The following EPM2A variants were observed in gnomAD, a reference collection of about 807,000 sequenced individuals.
EPM2A encodes the protein laforin.
A neutral mutation model predicts 26.5 loss-of-function variants in EPM2A; 21 were observed. The observed-to-expected ratio is 0.79, with a 90% CI of 0.56 to 1.14. EPM2A has a LOEUF of 1.14. Among genes scored for constraint, EPM2A ranks in the 50% most tolerant of loss-of-function variants. The pLI is 0.00. For missense variants in EPM2A, 458 were observed against 440.8 expected, an observed-to-expected ratio of 1.04 and a Z score of -0.35; for synonymous variants, 217 against 177.6, an observed-to-expected ratio of 1.22 and a Z score of -1.76.
At chr6:145,677,129 A>G (rs943991023) in intron 2 of EPM2A, among the ~76,000 whole-genome samples, 20 of 152,220 alleles carry the variant, frequency 1.3e-4, no homozygotes, top group Admixed American at 5.9e-4. Context: ...CTCATTCAAC[A>G]TATGCAAATC....
intron 4 of EPM2A, among the ~76,000 whole-genome samples, chr6:145,444,176 C>G (rs1304363331): frequency 6.6e-6 from 1 of 152,118 alleles, no homozygotes; most frequent in Non-Finnish European, 1.5e-5. Flanking sequence ...TTGACTTGTT[C>G]TGATTTTCAA....
exon 5 of EPM2A, chr6:145,383,365 G>A (rs1970316): frequency 0.11 from 16,876 of 152,082 alleles, 976 homozygotes; most frequent in South Asian, 0.17. Flanking sequence ...ATTTATAAAG[G>A]AAAAAGTTTT....
intron 2 of EPM2A, among the ~76,000 whole-genome samples, chr6:145,555,088 C>T (rs1780710423): frequency 6.6e-6 from 1 of 152,094 alleles, no homozygotes; most frequent in African/African-American, 2.4e-5. Flanking sequence ...AATTAATGAT[C>T]ACAGGCTCAG....
intron 2 of EPM2A, among the ~76,000 whole-genome samples, chr6:145,601,638 A>G (rs1245146160): frequency 6.6e-6 from 1 of 152,214 alleles, no homozygotes; most frequent in African/African-American, 2.4e-5. Flanking sequence ...GCATAATATC[A>G]GCATGATGGC....
At chr6:145,547,598 T>C (rs545605735) in intron 2 of EPM2A, among the ~76,000 whole-genome samples, 1 of 152,154 alleles carries the variant, frequency 6.6e-6, no homozygotes, top group African/African-American at 2.4e-5. Context: ...GTGTACTGGA[T>C]TGAATAATAT....
intron 2 of EPM2A, among the ~76,000 whole-genome samples, chr6:145,559,579 AT>A (rs1562382177): frequency 6.6e-6 from 1 of 151,784 alleles, no homozygotes; most frequent in African/African-American, 2.4e-5. Context: ...GAAAAGATAA[AT>A]TTTTTTTAAA....
chr6:145,634,948 G>T (rs548555826), intron 3 of EPM2A: 1 of 316,886 alleles, frequency 3.2e-6, no homozygotes, highest in Non-Finnish European at 6.0e-6. Flanking sequence ...AATGCGCTCC[G>T]TGGGGGCAGA....
At chr6:145,397,839 T>C (rs959425193) in intron 4 of EPM2A, among the ~76,000 whole-genome samples, 5 of 152,200 alleles carry the variant, frequency 3.3e-5, no homozygotes, top group African/African-American at 9.6e-5. Context: ...TTAATGTCTG[T>C]ATCTGACACC....
chr6:145,654,441 T>C (rs1183287592), intron 2 of EPM2A, among the ~76,000 whole-genome samples: 4 of 152,164 alleles, frequency 2.6e-5, no homozygotes, highest in African/African-American at 9.7e-5. Flanking sequence ...CAGAAAATCA[T>C]TTCAGGACTA....
At chr6:145,692,216 G>A (rs935477058) in intron 1 of EPM2A, among the ~76,000 whole-genome samples, 4 of 151,910 alleles carry the variant, frequency 2.6e-5, no homozygotes, top group African/African-American at 7.2e-5. Flanking sequence ...GGTTAAATAC[G>A]TAAAGCAAAA....
chr6:145,436,332 C>A (rs1228356572), intron 4 of EPM2A, among the ~76,000 whole-genome samples: 1 of 152,144 alleles, frequency 6.6e-6, no homozygotes. Context: ...GTGAACGTAT[C>A]TTTTCAATTC....
intron 2 of EPM2A, among the ~76,000 whole-genome samples, chr6:145,613,139 TTTG>T (rs1417039862): frequency 6.6e-6 from 1 of 152,218 alleles, no homozygotes. Context: ...TTCTAAATCA[TTTG>T]TTGTCGTTTC....
At chr6:145,717,931 AAGG>A (rs1404106147) in intron 1 of EPM2A, among the ~76,000 whole-genome samples, 10 of 151,776 alleles carry the variant, frequency 6.6e-5, no homozygotes, top group African/African-American at 9.7e-5. Context: ...GGACCTCTTC[AAGG>A]AGAACTACAA....
At chr6:145,518,129 A>G (rs1449407070) in intron 2 of EPM2A, among the ~76,000 whole-genome samples, 1 of 152,234 alleles carries the variant, frequency 6.6e-6, no homozygotes, top group African/African-American at 2.4e-5. Flanking sequence ...ATTTCTGGAA[A>G]GTGGCCTAAG....
intron 2 of EPM2A, among the ~76,000 whole-genome samples, chr6:145,552,059 C>T (rs1447062436): frequency 2.0e-5 from 3 of 151,486 alleles, no homozygotes; most frequent in Non-Finnish European, 4.4e-5. Context: ...AACTAGAGCA[C>T]ACCTATGAAA....
intron 2 of EPM2A, among the ~76,000 whole-genome samples, chr6:145,644,044 T>C (rs923379699): frequency 6.6e-6 from 1 of 152,118 alleles, no homozygotes; most frequent in African/African-American, 2.4e-5. Context: ...TGGACCACAG[T>C]TCGAGTATCA....
intron 4 of EPM2A, among the ~76,000 whole-genome samples, chr6:145,480,568 AT>A (rs1385240380): frequency 6.6e-6 from 1 of 151,996 alleles, no homozygotes; most frequent in African/African-American, 2.4e-5. Context: ...TATCTTTTCG[AT>A]TTCTTCACAA....
intron 4 of EPM2A, among the ~76,000 whole-genome samples, chr6:145,406,329 C>T (rs1778568869): frequency 6.6e-6 from 1 of 152,242 alleles, no homozygotes; most frequent in East Asian, 1.9e-4. Flanking sequence ...CTTCAAATAA[C>T]ATTTTTCTTT....
chr6:145,515,671 A>G (rs1482248880), intron 2 of EPM2A, among the ~76,000 whole-genome samples: 4 of 152,136 alleles, frequency 2.6e-5, no homozygotes, highest in African/African-American at 9.7e-5. Context: ...CTCACATCCT[A>G]ATAGTATCAC....
Sources: gnomAD v4.1 joint callset for allele counts (sites outside exome capture counted in the v4.1 genomes callset) on GRCh38, gnomAD v4.1.1 for gene constraint, MANE v1.5 for transcripts, NCBI Gene and HGNC (gene_info 2026-07-23, HGNC 2026-07-21) for gene names.